The following TTC17 variants were observed in gnomAD, a reference collection of about 807,000 sequenced individuals.
The protein encoded by TTC17 is tetratricopeptide repeat protein 17.
In TTC17, 58 loss-of-function variants were observed where a neutral mutation model predicts 143.8. That is an observed-to-expected ratio of 0.40 (90% CI 0.33 to 0.50). The LOEUF is 0.50. TTC17 is among the 20% of genes least tolerant of loss of function. TTC17 has a pLI of 0.49. For synonymous variants in TTC17, 501 were observed against 497.8 expected, an observed-to-expected ratio of 1.01 and a Z score of -0.09; for missense variants, 1,273 against 1,392.5, an observed-to-expected ratio of 0.91 and a Z score of 1.37.
intron 15 of TTC17, among the ~76,000 whole-genome samples, chr11:43,408,630 G>A (rs915650851): frequency 1.3e-5 from 2 of 152,102 alleles, no homozygotes; most frequent in Non-Finnish European, 2.9e-5. Context: ...TTAGTGATCA[G>A]TTACCTTTTG....
chr11:43,455,918 A>T (rs1334972468), intron 21 of TTC17, among the ~76,000 whole-genome samples: 1 of 152,132 alleles, frequency 6.6e-6, no homozygotes, highest in Non-Finnish European at 1.5e-5. Context: ...AAAACTACTA[A>T]CCTATTTCTC....
At chr11:43,429,188 C>T (rs868861447) in intron 16 of TTC17, among the ~76,000 whole-genome samples, 8 of 152,308 alleles carry the variant, frequency 5.3e-5, no homozygotes, top group Middle Eastern at 6.8e-3. Flanking sequence ...TCATTAACGA[C>T]GTTTCCCAAG....
chr11:43,358,924 C>CCGCTTT lies in TTC17; in HGVS notation c.-29_-28insCTTTCG. The CCGCTTT allele has an allele frequency of 3.2e-6, 5 of 1,541,720 alleles. No individual in the cohort carries two copies. Among genetic ancestry groups the CCGCTTT allele is most frequent in the Non-Finnish European group, 4.4e-6 (5 of 1,145,414 alleles). On this transcript the variant is annotated 5_prime_UTR_variant, in exon 1 of 24. Coordinates refer to ENST00000039989, the MANE Select transcript of TTC17 (RefSeq NM_018259.6). The stretch of plus-strand genomic sequence containing the variant: ...GGGCGCCGGAGACTAGCTTCCGCTT[C>CCGCTTT]CGGTGTGAGCGGCCCGGCCGGGGGG...
Position 43,467,564 on chromosome 11 carries a change from A to G in TTC17, c.3030+16299A>G, listed in dbSNP as rs185019449. Among the ~76,000 whole-genome samples the G allele has an allele frequency of 3.9e-5, 6 of 152,344 alleles. No individual in the cohort carries two copies. In the East Asian group the frequency reaches 9.6e-4, roughly 24 times the overall value. On this transcript the variant is annotated intron_variant, in intron 21 of 23. Coordinates refer to ENST00000039989, the MANE Select transcript of TTC17 (RefSeq NM_018259.6). ...TAATGGATATTGAGTTTGTTTTCCCAGACGAAGAAGTTCTGAAGGTTGGTT... is the reference window on the plus strand; with the variant it reads ...TAATGGATATTGAGTTTGTTTTCCCGGACGAAGAAGTTCTGAAGGTTGGTT...
At chr11:43,453,416 T>C (rs1947703211) in intron 21 of TTC17, among the ~76,000 whole-genome samples, 1 of 152,082 alleles carries the variant, frequency 6.6e-6, no homozygotes, top group Non-Finnish European at 1.5e-5. Context: ...AATCAGATTT[T>C]TCAACAGCAA....
intron 1 of TTC17, among the ~76,000 whole-genome samples, chr11:43,361,159 C>T (rs1856088401): frequency 2.6e-5 from 4 of 152,122 alleles, no homozygotes; most frequent in Admixed American, 2.6e-4. Context: ...TGTGCATGAC[C>T]CATGCTTCCC....
At chr11:43,388,974 C>CA (rs760116786) in intron 2 of TTC17, among the ~76,000 whole-genome samples, 8,232 of 119,782 alleles carry the variant, frequency 0.069, 652 homozygotes, top group East Asian at 0.46. Context: ...GACCCTGTCT[C>CA]AAAAAAAAAA....
chr11:43,492,052 G>C lies in TTC17; in HGVS notation c.3183G>C (p.Leu1061Phe). The change falls in exon 23 of 24, where the codon TTG (leucine) becomes TTC (phenylalanine). Residue 1061 changes from leucine to phenylalanine, a missense_variant. Leu to Phe is a conservative substitution (Grantham distance 22). Transcript: ENST00000039989. Reference protein sequence around the residue: ...DVPLISLANILHNAKLWNDAV... With the variant: ...DVPLISLANIFHNAKLWNDAV... ...CCCTGATTAGCCTGGCCAACATCTT[G>C]CACAATGCCAAGCTCTGGAATGACG... The C allele has an allele frequency of 6.2e-7, 1 of 1,613,996 alleles. No individual in the cohort carries two copies. Among genetic ancestry groups the C allele is most frequent in the Non-Finnish European group, 8.5e-7 (1 of 1,179,962 alleles).
intron 9 of TTC17, 83 bp from the exon 10 acceptor site, chr11:43,401,363 A>G (rs1181779634): frequency 1.1e-5 from 10 of 884,838 alleles, no homozygotes; most frequent in African/African-American, 1.7e-5. Flanking sequence ...TACAGGGTTG[A>G]TACTAAATGA....
chr11:43,370,228 C>T (rs1856510827), intron 1 of TTC17: 2 of 362,010 alleles, frequency 5.5e-6, no homozygotes, highest in South Asian at 4.3e-5. Flanking sequence ...AGAAGTGGAG[C>T]AACAGACTTT....
At chr11:43,439,613 T>C (rs113169542) in intron 16 of TTC17, among the ~76,000 whole-genome samples, 7,413 of 151,878 alleles carry the variant, frequency 0.049, 216 homozygotes, top group South Asian at 0.11. Flanking sequence ...GGACTATAGG[T>C]GCCCACCACC....
chr11:43,417,132 T>C (rs1240088438), intron 16 of TTC17, among the ~76,000 whole-genome samples: 1 of 152,184 alleles, frequency 6.6e-6, no homozygotes, highest in East Asian at 1.9e-4. Context: ...TCCAGAGTAA[T>C]CCCATTCATT....
chr11:43,402,153 T>C (rs537262403), intron 10 of TTC17, among the ~76,000 whole-genome samples: 1 of 152,314 alleles, frequency 6.6e-6, no homozygotes, highest in African/African-American at 2.4e-5. Flanking sequence ...TAAATATTTA[T>C]ATGCACATGC....
At chr11:43,439,333 T>C (rs1479388862) in intron 16 of TTC17, among the ~76,000 whole-genome samples, 2 of 152,222 alleles carry the variant, frequency 1.3e-5, no homozygotes, top group African/African-American at 4.8e-5. Context: ...TCTGTGAATG[T>C]GCTCTGCTTT....
intron 20 of TTC17, 110 bp from the exon 21 acceptor site, chr11:43,451,070 TCC>T (rs1438194013): frequency 1.1e-6 from 1 of 937,822 alleles, no homozygotes; most frequent in East Asian, 2.6e-5. Flanking sequence ...ACAGCATGTA[TCC>T]CAGAAAAACA....
chr11:43,401,553 G>A lies in TTC17; in HGVS notation c.1327G>A (p.Val443Ile), dbSNP rs749455307. 6.2e-7 allele frequency: 1 copy of A among 1,604,900 alleles called. No individual in the cohort carries two copies. Among genetic ancestry groups the A allele is most frequent in the South Asian group, 1.1e-5 (1 of 89,430 alleles). Residue 443 changes from valine to isoleucine, a missense_variant, in exon 10 of 24, where the codon GTT (valine) becomes ATT (isoleucine). By Grantham distance (29) the Val-to-Ile change is conservative. Coordinates refer to ENST00000039989, the MANE Select transcript of TTC17 (RefSeq NM_018259.6). Reference protein sequence around the residue: ...RGDIFENVDYVQFGEDSSTSS... With the variant: ...RGDIFENVDYIQFGEDSSTSS... ...AGATATCTTTGAAAATGTGGACTAT[G>A]TTCAGGTCTTTTTCTTGGTCCAGTC... is the stretch of plus-strand genomic sequence containing the variant.
In TTC17 at chr11:43,451,250, C is replaced by T. The variant is rs1306510652; in HGVS notation, c.3015C>T (p.Ala1005=). ...QSLEQIGTRI[A]KVLEKNQTSW... ...TTGAACAGATTGGCACCCGAATTGC[C>T]AAAGTTTTGGAAAAGGTAAGTCACC... is the stretch of plus-strand genomic sequence containing the variant. The change falls in exon 21 of 24, where the codon GCC becomes GCT. Residue 1005 remains alanine (A), a synonymous_variant. Transcript: ENST00000039989. 1 of 1,613,414 alleles carries T rather than the reference C, an allele frequency of 6.2e-7. No homozygotes were observed. The highest frequency in any genetic ancestry group is 1.1e-5 in the South Asian group (1 of 91,056).
At chr11:43,389,147 A>T (rs1190031533) in intron 2 of TTC17, among the ~76,000 whole-genome samples, 1 of 152,038 alleles carries the variant, frequency 6.6e-6, no homozygotes, top group Non-Finnish European at 1.5e-5. Flanking sequence ...TCAAAAAAAA[A>T]AAAAGGGTGG....
At chr11:43,480,508 T>A (rs1948266146) in intron 21 of TTC17, among the ~76,000 whole-genome samples, 2 of 152,028 alleles carry the variant, frequency 1.3e-5, no homozygotes, top group South Asian at 4.2e-4. Context: ...CTAAAGAAAA[T>A]TTTTTATATG....
Sources: gnomAD v4.1 joint callset for allele counts (sites outside exome capture counted in the v4.1 genomes callset) on GRCh38, gnomAD v4.1.1 for gene constraint, MANE v1.5 for transcripts, NCBI Gene and HGNC (gene_info 2026-07-23, HGNC 2026-07-21) for gene names.